The following ZNF675 variants were observed in gnomAD, a reference collection of about 807,000 sequenced individuals.
ZNF675 encodes the protein zinc finger protein 675, also known as TRAF6 inhibitory zinc finger.
Under a neutral mutation model 56.1 loss-of-function variants are expected in ZNF675, and 36 were observed. The observed-to-expected ratio is 0.64, with a 90% confidence interval of 0.49 to 0.85. ZNF675 has a LOEUF of 0.85. ZNF675 is among the 40% of genes least tolerant of loss of function. The pLI, the probability that ZNF675 is intolerant of heterozygous loss-of-function variation, is 0.00. For missense variants in ZNF675, 663 were observed against 654.2 expected, an observed-to-expected ratio of 1.01 and a Z score of -0.15; for synonymous variants, 200 against 218.9, an observed-to-expected ratio of 0.91 and a Z score of 0.76.
At chr19:23,662,993 CA>C (rs61245955) in intron 2 of ZNF675, 38 bp downstream of exon 2, 1,148,151 of 1,215,560 alleles carry the variant, frequency 0.94, 540,703 homozygotes, top group Middle Eastern at 0.96. Context: ...AAAAGAAAAA[CA>C]AAAAAAAAAA....
chr19:23,654,822 A>C (rs562183576), intron 3 of ZNF675, 116 bp from the exon 4 acceptor site: 1 of 775,368 alleles, frequency 1.3e-6, no homozygotes, highest in Admixed American at 3.1e-5. Context: ...GGCCATAATT[A>C]AGTGTATGTG....
intron 1 of ZNF675, among the ~76,000 whole-genome samples, chr19:23,673,844 AAAT>A (rs1240008029): frequency 2.0e-5 from 3 of 151,930 alleles, no homozygotes; most frequent in Non-Finnish European, 4.4e-5. Flanking sequence ...ATAATTTAAA[AAAT>A]AATAATAATA....
intron 1 of ZNF675, among the ~76,000 whole-genome samples, chr19:23,663,753 C>T (rs1408296838): frequency 1.3e-5 from 2 of 152,146 alleles, no homozygotes; most frequent in African/African-American, 4.8e-5. Context: ...AACACAAACA[C>T]GTAGCTTTTT....
Position 23,680,093 on chromosome 19 carries a change from G to T in ZNF675, c.3+6938C>A, listed in dbSNP as rs1968357217. 1.3e-5 allele frequency among the ~76,000 whole-genome samples: 2 copies of T among 151,054 alleles called. 1 individual carries two copies. The highest frequency in any genetic ancestry group is 4.9e-5 in the African/African-American group (2 of 40,548). On this transcript the variant is annotated intron_variant, in intron 1 of 3. Coordinates refer to ENST00000359788, the MANE Select transcript of ZNF675 (RefSeq NM_138330.3). ...GGAGGCCTAGGCGGGCAGATCACGA[G>T]GTCAAGAGATCGAGACCATCTGGCC...
intron 1 of ZNF675, among the ~76,000 whole-genome samples, chr19:23,667,730 A>C (rs1289174451): frequency 6.6e-6 from 1 of 151,134 alleles, no homozygotes; most frequent in Non-Finnish European, 1.5e-5. Flanking sequence ...TGGAGTGTTT[A>C]CAAACCTTGA....
In ZNF675 at chr19:23,676,498, T is replaced by G. The variant is rs917559338; in HGVS notation, c.3+10533A>C. Among the ~76,000 whole-genome samples, 12 of 151,846 alleles carry G rather than the reference T, an allele frequency of 7.9e-5. 1 individual carries two copies. The highest frequency in any genetic ancestry group is 2.9e-4 in the African/African-American group (12 of 41,176). ...CAAATCCAGCAGCACATCAAAAAGT[T>G]AATCCACCATTATCAAGTAGGATTT... is the stretch of plus-strand genomic sequence containing the variant. On this transcript the variant is annotated intron_variant, in intron 1 of 3. Transcript: ENST00000359788.
chr19:23,656,615 T>TACACACACAC (rs1555706063), intron 3 of ZNF675: 3 of 137,512 alleles, frequency 2.2e-5, no homozygotes, highest in African/African-American at 8.2e-5. Context: ...AAAAAAGGTA[T>TACACACACAC]ACACACACAC....
chr19:23,664,488 A>G (rs1319448917), intron 1 of ZNF675, among the ~76,000 whole-genome samples: 1 of 152,140 alleles, frequency 6.6e-6, no homozygotes, highest in Non-Finnish European at 1.5e-5. Flanking sequence ...GACATCAGCA[A>G]TTTCTGCTAC....
chr19:23,668,977 A>T (rs1968193560), intron 1 of ZNF675, among the ~76,000 whole-genome samples: 1 of 152,212 alleles, frequency 6.6e-6, no homozygotes, highest in Non-Finnish European at 1.5e-5. Context: ...GGGCTCCCAC[A>T]GTGCAGCGGT....
chr19:23,654,383 G>C lies in ZNF675; in HGVS notation c.550C>G (p.Leu184Val). ...CKECGRSFCM[L>V]SHLTRHERNY... The stretch of plus-strand genomic sequence containing the variant: ...CTTTCATGTCGAGTTAGGTGTGAAA[G>C]CATGCAAAATGATCTGCCACATTCT... Residue 184 changes from leucine (L) to valine (V), a missense_variant, in exon 4 of 4, where the codon CTT (leucine) becomes GTT (valine). Physicochemically the swap from Leu to Val is conservative, Grantham distance 32. This residue lies in a region of ZNF675 where 617 missense variants were observed against 590.5 expected (regional missense o/e 1.04). Coordinates refer to ENST00000359788, the MANE Select transcript of ZNF675 (RefSeq NM_138330.3). 1 of 1,611,860 alleles carries C rather than the reference G, an allele frequency of 6.2e-7. No individual in the cohort carries two copies. Among genetic ancestry groups the C allele is most frequent in the Non-Finnish European group, 8.5e-7 (1 of 1,178,742 alleles).
Position 23,653,131 on chromosome 19 carries a change from TAA to T in ZNF675, c.*93_*94del. Reference sequence around the variant, plus strand: ...CATACAATGAAGTGTGAAAACCATTTAAAGTCTTTGACACATTCTTTACATTT... The same window carrying T: ...CATACAATGAAGTGTGAAAACCATTTAGTCTTTGACACATTCTTTACATTT... On this transcript the variant is annotated 3_prime_UTR_variant, in exon 4 of 4. Coordinates refer to ENST00000359788, the MANE Select transcript of ZNF675 (RefSeq NM_138330.3). 8 of 1,188,790 alleles carry T rather than the reference TAA, an allele frequency of 6.7e-6. No individual in the cohort carries two copies. Among genetic ancestry groups the T allele is most frequent in the Non-Finnish European group, 8.2e-6 (7 of 856,018 alleles). 73.6% of individuals were successfully genotyped at this position (1,188,790 alleles called of 1,614,324 possible).
chr19:23,662,334 A>G (rs1464438832), intron 2 of ZNF675, 125 bp from the exon 3 acceptor site: 3 of 606,898 alleles, frequency 4.9e-6, no homozygotes, highest in Non-Finnish European at 8.3e-6. Flanking sequence ...ATACTGACTT[A>G]TAACAGAAAT....
At chr19:23,679,813 AAACC>A (rs1314427904) in intron 1 of ZNF675, among the ~76,000 whole-genome samples, 2 of 151,236 alleles carry the variant, frequency 1.3e-5, no homozygotes, top group Non-Finnish European at 2.9e-5. Flanking sequence ...CAACATGGTG[AAACC>A]CTATCTCTAC....
chr19:23,665,160 C>A (rs1041293612), intron 1 of ZNF675, among the ~76,000 whole-genome samples: 1 of 151,966 alleles, frequency 6.6e-6, no homozygotes, highest in African/African-American at 2.4e-5. Flanking sequence ...GCCTGGCCAA[C>A]ATGGTGAAAC....
At chr19:23,684,324 A>G (rs1240693588) in intron 1 of ZNF675, among the ~76,000 whole-genome samples, 1 of 151,866 alleles carries the variant, frequency 6.6e-6, no homozygotes, top group Non-Finnish European at 1.5e-5. Flanking sequence ...AAGGTGACAA[A>G]CTAGGGAGTG....
At chr19:23,684,419 CG>C (rs1968417257) in intron 1 of ZNF675, among the ~76,000 whole-genome samples, 1 of 151,846 alleles carries the variant, frequency 6.6e-6, no homozygotes, top group African/African-American at 2.4e-5. Flanking sequence ...CCAAGAGGGG[CG>C]GATCACCTGA....
chr19:23,654,157 T>G lies in ZNF675; in HGVS notation c.776A>C (p.Glu259Ala), dbSNP rs2144915948. 6.2e-7 allele frequency: 1 copy of G among 1,614,082 alleles called. No individual in the cohort carries two copies. Among genetic ancestry groups the G allele is most frequent in the South Asian group, 1.1e-5 (1 of 91,082 alleles). Residue 259 changes from glutamate to alanine, a missense_variant, in exon 4 of 4, where the codon GAA becomes GCA. This residue lies in a region of ZNF675 where 617 missense variants were observed against 590.5 expected (regional missense o/e 1.04). Coordinates refer to ENST00000359788, the MANE Select transcript of ZNF675 (RefSeq NM_138330.3). ...CTGGTTAAAGGCTTTGCCACATTCT[T>G]CACATTTGTATGGTTTCTCTCGAGC... ...DYAREKPYKC[E>A]ECGKAFNQSS...
intron 3 of ZNF675, among the ~76,000 whole-genome samples, chr19:23,660,216 G>A (rs556478243): frequency 6.6e-6 from 1 of 152,288 alleles, no homozygotes; most frequent in African/African-American, 2.4e-5. Context: ...TACAAACCCA[G>A]AGGGCATCCC....
In ZNF675 at chr19:23,662,212, G is replaced by A. The variant is rs769570552; in HGVS notation, c.131-3C>T. 12 of 1,601,742 alleles carry A rather than the reference G, an allele frequency of 7.5e-6. No individual in the cohort carries two copies. The highest frequency in any genetic ancestry group is 1.0e-5 in the Non-Finnish European group (12 of 1,172,008). ...GTCTTGCTTAGAGACAGCAATACCTGTTTTATTAAAAAATAAATAACATTA... is the reference window on the plus strand; with the variant it reads ...GTCTTGCTTAGAGACAGCAATACCTATTTTATTAAAAAATAAATAACATTA... On this transcript the variant is annotated splice_region_variant and splice_polypyrimidine_tract_variant and intron_variant, in intron 2 of 3. Transcript: ENST00000359788.
Sources: allele counts gnomAD v4.1 joint callset (sites outside exome capture counted in the v4.1 genomes callset), GRCh38; gene constraint gnomAD v4.1.1; regional missense constraint gnomAD v4.1.1; transcripts MANE v1.5; gene names NCBI Gene and HGNC (gene_info 2026-07-23, HGNC 2026-07-21).